The following ERCC2 variants were observed in gnomAD, a reference collection of about 807,000 sequenced individuals.
The protein encoded by ERCC2 is ERCC excision repair 2, TFIIH core complex helicase subunit, also known as general transcription and DNA repair factor IIH helicase subunit XPD.
Under a neutral mutation model 99.4 loss-of-function variants are expected in ERCC2, and 90 were observed. The ratio of observed to expected loss-of-function variants is 0.91; its 90% CI spans 0.76 to 1.08. ERCC2 has a LOEUF of 1.08. Ranked by LOEUF, ERCC2 falls within the 50% of genes least tolerant of loss-of-function variation. The pLI is 0.00. For synonymous variants in ERCC2, 497 were observed against 432.4 expected (o/e 1.15, Z -1.85); for missense variants, 993 against 1,038.1 (o/e 0.96, Z 0.60).
rs373375265 is a variant in ERCC2, at chr19:45,364,318, G to A, written c.732C>T (p.Ile244=). 8.1e-6 allele frequency: 13 copies of A among 1,614,006 alleles called. No homozygotes were observed. The highest frequency in any genetic ancestry group is 1.1e-5 in the South Asian group (1 of 91,088). The change falls in exon 9 of 23, where the codon ATC becomes ATT. Residue 244 remains isoleucine (I), a synonymous_variant. Transcript: ENST00000391945. ...DEAHNIDNVC[I]DSMSVNLTRR... ...GGGTGAGGTTGACGCTCATGGAGTC[G>A]ATGCAGACGTTGTCTGGAGAAGGGG...
chr19:45,361,799 C>G (rs754459720), intron 11 of ERCC2, 157 bp from the exon 12 acceptor site: 6 of 682,212 alleles, frequency 8.8e-6, no homozygotes, highest in Non-Finnish European at 1.6e-5. Flanking sequence ...CTTGCACCCC[C>G]ACGCTGTACA....
intron 17 of ERCC2, among the ~76,000 whole-genome samples, chr19:45,354,138 C>G (rs1443354221): frequency 6.6e-6 from 1 of 152,226 alleles, no homozygotes; most frequent in Non-Finnish European, 1.5e-5. Context: ...TGCTTTCACC[C>G]ACTCCTGAGA....
Position 45,354,153 on chromosome 19 carries a change from G to A in ERCC2, c.1665+577C>T, listed in dbSNP as rs373809823. ...TGCTTTCACCCACTCCTGAGAGCCC[G>A]GCCATGGTGTGCTCAGAGGCACAAA... is the stretch of plus-strand genomic sequence containing the variant. On this transcript the variant is annotated intron_variant, in intron 17 of 22. Transcript: ENST00000391945. Among the ~76,000 whole-genome samples the A allele has an allele frequency of 2.8e-4, 43 of 152,288 alleles. No individual in the cohort carries two copies. The Middle Eastern group carries it at 0.031, about 108-fold the overall frequency.
chr19:45,359,033 G>T, intron 12 of ERCC2: 2 of 621,824 alleles, frequency 3.2e-6, no homozygotes, highest in Non-Finnish European at 2.9e-6. Flanking sequence ...GCCCCTGCTC[G>T]CATGGGTTCG....
intron 12 of ERCC2, 91 bp downstream of exon 12, chr19:45,361,433 T>C (rs548439264): frequency 2.2e-6 from 2 of 921,684 alleles, no homozygotes; most frequent in South Asian, 2.6e-5. Context: ...CACAAAGCCC[T>C]GTGTGTCCTG....
rs1173697336 is a variant in ERCC2 at position 45,364,959 on chromosome 19, G to T, written c.478-5C>A. The T allele has an allele frequency of 2.5e-6, 4 of 1,612,948 alleles. No individual in the cohort carries two copies. Among genetic ancestry groups the T allele is most frequent in the South Asian group, 1.1e-5 (1 of 91,050 alleles). On this transcript the variant is annotated splice_polypyrimidine_tract_variant and splice_region_variant and intron_variant, in intron 6 of 22. Transcript: ENST00000391945. ...ACGCCCATGGGCATCAAATTCCTGG[G>T]ACAAGAGTGCCAGGGGTCAGGGAGG... is the stretch of plus-strand genomic sequence containing the variant.
rs558545950 is a variant in ERCC2, at chr19:45,370,051, C to T, written c.105+82G>A. On this transcript the variant is annotated intron_variant, in intron 2 of 22. Transcript: ENST00000391945. The stretch of plus-strand genomic sequence containing the variant: ...CCAGGGACCTCGGACTTCTAAAATC[C>T]AGACGTCCTGCAATCTGTCTTAGGC... The T allele has an allele frequency of 1.4e-3, 1,881 of 1,335,278 alleles. 3 individuals carry two copies. The highest frequency in any genetic ancestry group is 1.8e-3 in the Non-Finnish European group (1,723 of 938,652). The allele number at this position is 1,335,278 out of a possible 1,614,324, so 82.7% of individuals were successfully genotyped here.
chr19:45,354,968 A>ATCCCCC (rs1599729366), intron 16 of ERCC2, 117 bp from the exon 17 acceptor site: 1 of 1,308,360 alleles, frequency 7.6e-7, no homozygotes, highest in East Asian at 2.3e-5. Context: ...TTTCACACAT[A>ATCCCCC]TCCCCCTCCT....
chr19:45,351,706 G>T lies in ERCC2; in HGVS notation c.2206C>A (p.Leu736Met). ...QPFHREDQLGLSLLSLEQLES... is the reference protein window; with the variant it reads ...QPFHREDQLGMSLLSLEQLES... ...AGCTGCTCCAGGCTGAGCAGGGACA[G>T]GCCCAGCTGATCCTCCTGCAGAGAA... Residue 736 changes from leucine to methionine, a missense_variant, in exon 23 of 23, where the codon CTG becomes ATG. Leu to Met is a conservative substitution (Grantham distance 15). This residue lies in a region of ERCC2 where 909 missense variants were observed against 930.8 expected (regional missense o/e 0.98). Transcript: ENST00000391945. 6.2e-7 allele frequency: 1 copy of T among 1,613,864 alleles called. No homozygotes were observed. The highest frequency in any genetic ancestry group is 2.2e-5 in the East Asian group (1 of 44,872).
chr19:45,351,225 A>C lies in ERCC2; in HGVS notation c.*404T>G. ...GCTGCCAGGCTGGACCTGGAGCTGG[A>C]GGGTGGATGTAACACTTGCCCCTCA... is the stretch of plus-strand genomic sequence containing the variant. On this transcript the variant is annotated 3_prime_UTR_variant, in exon 23 of 23. Coordinates refer to ENST00000391945, the MANE Select transcript of ERCC2 (RefSeq NM_000400.4). The C allele has an allele frequency of 6.3e-7, 1 of 1,591,062 alleles. No individual in the cohort carries two copies. The highest frequency in any genetic ancestry group is 1.1e-5 in the South Asian group (1 of 88,500).
Position 45,368,430 on chromosome 19 carries a change from T to C in ERCC2, c.360+200A>G, listed in dbSNP as rs200154045. ...CTTTTTAACCTCTCCTAGGCCTGGG[T>C]AGAATTTGAAGACTCCCTGGAGGAA... On this transcript the variant is annotated intron_variant, in intron 5 of 22. Transcript: ENST00000391945. Among the ~76,000 whole-genome samples the C allele has an allele frequency of 9.2e-5, 14 of 152,006 alleles. No individual in the cohort carries two copies. In the East Asian group the frequency reaches 1.5e-3, roughly 17 times the overall value.
At chr19:45,354,322 G>A (rs922487218) in intron 17 of ERCC2, among the ~76,000 whole-genome samples, 1 of 152,174 alleles carries the variant, frequency 6.6e-6, no homozygotes, top group Admixed American at 6.5e-5. Context: ...GGCTCGCCCC[G>A]AGTCTTGGTC....
intron 5 of ERCC2, among the ~76,000 whole-genome samples, chr19:45,367,778 G>A (rs1718768845): frequency 6.6e-6 from 1 of 151,950 alleles, no homozygotes; most frequent in African/African-American, 2.4e-5. Flanking sequence ...CTCCCAAAGT[G>A]CTGGGATTAT....
Position 45,350,813 on chromosome 19 carries a change from A to G in ERCC2, c.*816T>C, listed in dbSNP as rs558846191. ...AGAATCCACAGCCCACCCCACCCCC[A>G]CCCCCATCTTGCTCAAGAACCTTCC... On this transcript the variant is annotated 3_prime_UTR_variant, in exon 23 of 23. Transcript: ENST00000391945. 2 of 443,682 alleles carry G rather than the reference A, an allele frequency of 4.5e-6. No homozygotes were observed. Among genetic ancestry groups the G allele is most frequent in the African/African-American group, 4.1e-5 (1 of 24,154 alleles). The allele number at this position is 443,682 out of a possible 1,614,324, so 27.5% of individuals were successfully genotyped here.
At position 45,361,629 on chromosome 19, in the gene ERCC2, G is replaced by A. The variant is rs186220206; in HGVS notation, c.1132C>T (p.Arg378Cys). The A allele has an allele frequency of 1.1e-5, 17 of 1,613,380 alleles. No individual in the cohort carries two copies. The highest frequency in any genetic ancestry group is 5.3e-5 in the African/African-American group (4 of 75,020). ...QRKPLRFCAE[R>C]LRSLLHTLEI... Reference sequence around the variant, plus strand: ...AGAGTATGCAGCAGGGACCGGAGGCGTTCAGCACAGAATCTGGCGGGGAGG... The same window carrying A: ...AGAGTATGCAGCAGGGACCGGAGGCATTCAGCACAGAATCTGGCGGGGAGG... The change falls in exon 12 of 23, where the codon CGC becomes TGC. Residue 378 changes from arginine (R) to cysteine (C), a missense_variant. Transcript: ENST00000391945.
Position 45,354,759 on chromosome 19 carries a change from C to G in ERCC2, c.1636G>C (p.Glu546Gln), listed in dbSNP as rs769146546. 1 of 1,614,072 alleles carries G rather than the reference C, an allele frequency of 6.2e-7. No homozygotes were observed. The highest frequency in any genetic ancestry group is 1.1e-5 in the South Asian group (1 of 91,082). The change falls in exon 17 of 23, where the codon GAG becomes CAG. Residue 546 changes from glutamate (E) to glutamine (Q), a missense_variant. Physicochemically the swap from Glu to Gln is conservative, Grantham distance 29. Around this residue, in one of 3 missense-constraint regions of ERCC2, gnomAD observed 909 missense variants for 930.8 expected, o/e 0.98. Transcript: ENST00000391945. Reference sequence around the variant, plus strand: ...TCATACCAGGAGGCCACGGTGCTCTCCATGTACTGGTAGCTGGTGAAGAAG... The same window carrying G: ...TCATACCAGGAGGCCACGGTGCTCTGCATGTACTGGTAGCTGGTGAAGAAG... ...VAFFTSYQYM[E>Q]STVASWYEQG...
chr19:45,351,695 G>A lies in ERCC2; in HGVS notation c.2217C>T (p.Leu739=). The change falls in exon 23 of 23, where the codon CTC becomes CTT. Residue 739 remains leucine (L), a synonymous_variant. Coordinates refer to ENST00000391945, the MANE Select transcript of ERCC2 (RefSeq NM_000400.4). ...CCTCTGATTCTAGCTGCTCCAGGCT[G>A]AGCAGGGACAGGCCCAGCTGATCCT... is the stretch of plus-strand genomic sequence containing the variant. ...HREDQLGLSL[L]SLEQLESEET... 4 of 1,613,930 alleles carry A rather than the reference G, an allele frequency of 2.5e-6. No individual in the cohort carries two copies. The highest frequency in any genetic ancestry group is 3.4e-6 in the Non-Finnish European group (4 of 1,180,002).
Position 45,357,366 on chromosome 19 carries a change from C to T in ERCC2, c.1383G>A (p.Leu461=). ...TCTTGGGGTAGATGTCCAGCGGGGA[C>T]AGTGTCTGTGGCGGGACAGTGGGAG... The part of the protein sequence containing the change: ...FQSVIITSGT[L]SPLDIYPKIL... Residue 461 remains leucine (L), a synonymous_variant, in exon 15 of 23, where the codon CTG becomes CTA. Transcript: ENST00000391945. 1 of 1,613,696 alleles carries T rather than the reference C, an allele frequency of 6.2e-7. No individual in the cohort carries two copies. Among genetic ancestry groups the T allele is most frequent in the East Asian group, 2.2e-5 (1 of 44,858 alleles).
In ERCC2 at chr19:45,361,528, G is replaced by A. The variant is rs754028681; in HGVS notation, c.1233C>T (p.Ala411=). ...ANFATLVSTY[A]KGFTIIIEPF... ...GACAGAAAAAGGTGAGCTTACCTTT[G>A]GCGTAGGTGCTGACAAGGGTGGCAA... The change falls in exon 12 of 23, where the codon GCC becomes GCT. Residue 411 remains alanine (A), a synonymous_variant. Coordinates refer to ENST00000391945, the MANE Select transcript of ERCC2 (RefSeq NM_000400.4). The A allele has an allele frequency of 1.2e-6, 2 of 1,610,848 alleles. No homozygotes were observed. Among genetic ancestry groups the A allele is most frequent in the Non-Finnish European group, 1.7e-6 (2 of 1,177,100 alleles).
Sources: allele counts gnomAD v4.1 joint callset (sites outside exome capture counted in the v4.1 genomes callset), GRCh38; gene constraint gnomAD v4.1.1; regional missense constraint gnomAD v4.1.1; transcripts MANE v1.5; gene names NCBI Gene and HGNC (gene_info 2026-07-23, HGNC 2026-07-21).